CISD3: variants seen among roughly 807,000 people sequenced by gnomAD.
CISD3 encodes CDGSH iron-sulfur domain-containing protein 3, mitochondrial.
Under a neutral mutation model 14.1 loss-of-function variants are expected in CISD3, and 11 were observed. That is an observed-to-expected ratio of 0.78 (90% CI 0.49 to 1.29). The LOEUF (loss-of-function observed/expected upper bound fraction) is 1.29, where lower values mean the gene tolerates loss of function less well. Ranked by LOEUF, CISD3 falls within the 50% of genes most tolerant of loss-of-function variation. The pLI, the probability that CISD3 is intolerant of heterozygous loss-of-function variation, is 0.00. For missense variants in CISD3, 156 were observed against 171.6 expected (o/e 0.91, Z 0.51); for synonymous variants, 53 against 69.2 (o/e 0.77, Z 1.16).
chr17:38,732,534 G>T (rs1322843897), intron 3 of CISD3, among the ~76,000 whole-genome samples: 1 of 152,180 alleles, frequency 6.6e-6, no homozygotes, highest in Admixed American at 6.5e-5. Flanking sequence ...CCATACTGGA[G>T]GCTGAGGAAG....
At chr17:38,731,517 A>T in intron 3 of CISD3, 78 bp downstream of exon 3, 1 of 1,532,564 alleles carries the variant, frequency 6.5e-7, no homozygotes, top group Admixed American at 2.0e-5. Flanking sequence ...CCCACCCAGG[A>T]TGATCTTATT....
Position 38,730,793 on chromosome 17 carries a change from C to T in CISD3, c.82C>T (p.Leu28=). The part of the protein sequence containing the change: ...LNPRRDISSW[L]AQWFPRTPAR... The stretch of plus-strand genomic sequence containing the variant: ...CCCGCGGCGGGACATCTCCTCCTGG[C>T]TGGTGAGTCCCCCCATCCTCCCCTC... Residue 28 remains leucine (L), a splice_region_variant and synonymous_variant, in exon 2 of 4, where the codon CTG becomes TTG. Coordinates refer to ENST00000613478, the MANE Select transcript of CISD3 (RefSeq NM_001136498.2). 1.9e-6 allele frequency: 3 copies of T among 1,551,634 alleles called. No individual in the cohort carries two copies.
chr17:38,730,821 C>T lies in CISD3; in HGVS notation c.84+26C>T. The T allele has an allele frequency of 5.8e-6, 9 of 1,550,268 alleles. No individual in the cohort carries two copies. The Middle Eastern group carries it at 5.0e-4, about 86-fold the overall frequency. On this transcript the variant is annotated intron_variant, in intron 2 of 3. Transcript: ENST00000613478. ...GTGAGTCCCCCCATCCTCCCCTCCTCCTCGCACAAGACCCCCAGGCACGGA... is the reference window on the plus strand; with the variant it reads ...GTGAGTCCCCCCATCCTCCCCTCCTTCTCGCACAAGACCCCCAGGCACGGA...
chr17:38,733,059 C>T (rs1278479539), intron 3 of CISD3, among the ~76,000 whole-genome samples: 2 of 152,000 alleles, frequency 1.3e-5, no homozygotes, highest in Non-Finnish European at 2.9e-5. Flanking sequence ...TTACTATAGG[C>T]AAAGTGCATC....
chr17:38,732,800 C>T (rs1316858691), intron 3 of CISD3, among the ~76,000 whole-genome samples: 1 of 152,112 alleles, frequency 6.6e-6, no homozygotes, highest in African/African-American at 2.4e-5. Context: ...CTCCTTGTAA[C>T]CTTCACTCCC....
In CISD3 at chr17:38,733,397, G is replaced by A. The variant is rs765322036; in HGVS notation, c.326G>A (p.Cys109Tyr). The A allele has an allele frequency of 1.3e-6, 2 of 1,551,484 alleles. No individual in the cohort carries two copies. Among genetic ancestry groups the A allele is most frequent in the Non-Finnish European group, 8.7e-7 (1 of 1,146,950 alleles). The stretch of plus-strand genomic sequence containing the variant: ...AAGGCCACTCAGAGGCCCCCGTACT[G>A]CGATGGCACCCACAGGAGTGAGCGC... ...TCKATQRPPY[C>Y]DGTHRSERVQ... Residue 109 changes from cysteine (C) to tyrosine (Y), a missense_variant, in exon 4 of 4, where the codon TGC becomes TAC. Cys to Tyr is a radical substitution (Grantham distance 194, BLOSUM62 -2). Coordinates refer to ENST00000613478, the MANE Select transcript of CISD3 (RefSeq NM_001136498.2).
rs1906274749 is a variant in CISD3 at position 38,730,368 on chromosome 17, G to T, written c.10G>T (p.Ala4Ser). MRG[A>S]GAILRPAARG... is the part of the protein sequence containing the mutation. ...GGCGCGGGAGGCGACCATGCGCGGC[G>T]CGGGGGCGATCCTGCGGCCGGCGGC... is the stretch of plus-strand genomic sequence containing the variant. The change falls in exon 1 of 4, where the codon GCG (alanine) becomes TCG (serine). Residue 4 changes from alanine (A) to serine (S), a missense_variant. Coordinates refer to ENST00000613478, the MANE Select transcript of CISD3 (RefSeq NM_001136498.2). 1 of 1,179,878 alleles carries T rather than the reference G, an allele frequency of 8.5e-7. No homozygotes were observed. 73.1% of individuals were successfully genotyped at this position (1,179,878 alleles called of 1,614,324 possible).
intron 3 of CISD3, 105 bp from the exon 4 acceptor site, chr17:38,733,171 T>C (rs1232374928): frequency 5.5e-6 from 6 of 1,082,408 alleles, no homozygotes; most frequent in Non-Finnish European, 8.0e-6. Flanking sequence ...CTCTGGAGCC[T>C]GTACCCTAAC....
In CISD3 at chr17:38,733,407, C is replaced by T. The variant is rs764260319; in HGVS notation, c.336C>T (p.Thr112=). The T allele has an allele frequency of 6.4e-7, 1 of 1,551,268 alleles. No individual in the cohort carries two copies. The highest frequency in any genetic ancestry group is 1.2e-5 in the South Asian group (1 of 84,050). Residue 112 remains threonine, a synonymous_variant, in exon 4 of 4, where the codon ACC becomes ACT. Transcript: ENST00000613478. ...ATQRPPYCDG[T]HRSERVQKAE... ...AGAGGCCCCCGTACTGCGATGGCACCCACAGGAGTGAGCGCGTGCAGAAGG... is the reference window on the plus strand; with the variant it reads ...AGAGGCCCCCGTACTGCGATGGCACTCACAGGAGTGAGCGCGTGCAGAAGG...
chr17:38,732,439 TC>T (rs1162784105), intron 3 of CISD3, among the ~76,000 whole-genome samples: 1 of 152,034 alleles, frequency 6.6e-6, no homozygotes, highest in Non-Finnish European at 1.5e-5. Context: ...TCAAGAACAG[TC>T]TGGGCAACAA....
rs530375057 is a variant in CISD3 at position 38,730,934 on chromosome 17, C to A, written c.84+139C>A. On this transcript the variant is annotated intron_variant, in intron 2 of 3. Transcript: ENST00000613478. ...GCCCGTGGCTCTCAGGGAGGTGGGG[C>A]GGACCAGAGGGCACTGGGCAGGGCG... The A allele has an allele frequency of 4.6e-5, 43 of 942,066 alleles. No homozygotes were observed. In the South Asian group the frequency reaches 6.0e-4, roughly 13 times the overall value. The allele number at this position is 942,066 out of a possible 1,614,324, so 58.4% of individuals were successfully genotyped here.
chr17:38,731,472 T>G (rs1172353665), intron 3 of CISD3, 33 bp downstream of exon 3: 13 of 1,551,162 alleles, frequency 8.4e-6, no homozygotes, highest in Non-Finnish European at 1.0e-5. Context: ...TACTGATACC[T>G]CTGGCTAGGA....
intron 1 of CISD3, 153 bp downstream of exon 1, chr17:38,730,559 C>T (rs1223516614): frequency 4.6e-6 from 4 of 867,240 alleles, no homozygotes; most frequent in African/African-American, 3.4e-5. Flanking sequence ...TTTTCCCGAG[C>T]GCCAGTCCCT....
At position 38,733,565 on chromosome 17, in the gene CISD3, C is replaced by T. The variant is rs1906451666; in HGVS notation, c.*110C>T. ...TGAGCCCAAGAGACTCTGGTACCCACTGCTGGCTCATGAAGGAAGAATTAT... is the reference window on the plus strand; with the variant it reads ...TGAGCCCAAGAGACTCTGGTACCCATTGCTGGCTCATGAAGGAAGAATTAT... On this transcript the variant is annotated 3_prime_UTR_variant, in exon 4 of 4. Transcript: ENST00000613478. The T allele has an allele frequency of 3.6e-6, 4 of 1,101,968 alleles. No homozygotes were observed. The allele number at this position is 1,101,968 out of a possible 1,614,324, so 68.3% of individuals were successfully genotyped here.
At position 38,735,206 on chromosome 17, in the gene CISD3, G is replaced by C. The variant is rs1906587105; in HGVS notation, c.*1751G>C. ...AGTGGAGAGGCTTGGCTGGAAGAAG[G>C]GAGAGGGTCCCTGGCCTCAAGTTAA... On this transcript the variant is annotated 3_prime_UTR_variant, in exon 4 of 4. Coordinates refer to ENST00000613478, the MANE Select transcript of CISD3 (RefSeq NM_001136498.2). 1.4e-6 allele frequency: 2 copies of C among 1,392,654 alleles called. No individual in the cohort carries two copies. Among genetic ancestry groups the C allele is most frequent in the Non-Finnish European group, 9.4e-7 (1 of 1,063,174 alleles). 86.3% of individuals were successfully genotyped at this position (1,392,654 alleles called of 1,614,324 possible).
At position 38,730,347 on chromosome 17, in the gene CISD3, CG is replaced by C. The variant is rs1906273045; in HGVS notation, c.-9del. Reference sequence around the variant, plus strand: ...GCGGAGCCAGCGGGCGGGCGCGGCGCGGGAGGCGACCATGCGCGGCGCGGGG... The same window carrying C: ...GCGGAGCCAGCGGGCGGGCGCGGCGCGGAGGCGACCATGCGCGGCGCGGGG... On this transcript the variant is annotated 5_prime_UTR_variant, in exon 1 of 4. Transcript: ENST00000613478. The C allele has an allele frequency of 8.9e-7, 1 of 1,126,554 alleles. No homozygotes were observed. The highest frequency in any genetic ancestry group is 1.1e-6 in the Non-Finnish European group (1 of 921,406). 69.8% of individuals were successfully genotyped at this position (1,126,554 alleles called of 1,614,324 possible). A position where few individuals can be genotyped will look rare whatever the true frequency, so the allele number is the denominator to read the frequency against.
chr17:38,731,380 G>A lies in CISD3; in HGVS notation c.145G>A (p.Val49Met), dbSNP rs1329732396. ...SVVALKTPIK[V>M]ELVAGKTYRW... ...GGTGGCCCTGAAGACCCCCATCAAG[G>A]TGGAGCTGGTGGCAGGGAAAACCTA... The change falls in exon 3 of 4, where the codon GTG (valine) becomes ATG (methionine). Residue 49 changes from valine to methionine, a missense_variant. Val to Met is a conservative substitution (Grantham distance 21). Coordinates refer to ENST00000613478, the MANE Select transcript of CISD3 (RefSeq NM_001136498.2). 2.3e-5 allele frequency: 35 copies of A among 1,551,700 alleles called. No individual in the cohort carries two copies. In the South Asian group the frequency reaches 3.0e-4, roughly 13 times the overall value.
In CISD3 at chr17:38,735,237, G is replaced by A. The variant is rs1208938665; in HGVS notation, c.*1782G>A. ...GGTCCCTGGCCTCAAGTTAAGGGGG[G>A]CACGGGAGCGCCGTTGACAGTCATC... On this transcript the variant is annotated 3_prime_UTR_variant, in exon 4 of 4. Transcript: ENST00000613478. The A allele has an allele frequency of 2.1e-5, 30 of 1,441,154 alleles. No homozygotes were observed. Among genetic ancestry groups the A allele is most frequent in the Non-Finnish European group, 2.7e-5 (29 of 1,086,702 alleles). 89.3% of individuals were successfully genotyped at this position (1,441,154 alleles called of 1,614,324 possible). A position where few individuals can be genotyped will look rare whatever the true frequency, so the allele number is the denominator to read the frequency against.
rs1009590543 is a variant in CISD3 at position 38,734,293 on chromosome 17, GC to G, written c.*839del. On this transcript the variant is annotated 3_prime_UTR_variant, in exon 4 of 4. Transcript: ENST00000613478. ...GCAATTGGAAGGCTGTTTGCCTCTG[GC>G]AAAGTCTGGGATCTGTGCTTGTGTG... The G allele has an allele frequency of 1.4e-4, 21 of 152,766 alleles. No homozygotes were observed. Among genetic ancestry groups the G allele is most frequent in the African/African-American group, 5.1e-4 (21 of 41,510 alleles). The allele number at this position is 152,766 out of a possible 1,614,324, so 9.5% of individuals were successfully genotyped here. A position where few individuals can be genotyped will look rare whatever the true frequency, so the allele number is the denominator to read the frequency against.
Sources: allele counts gnomAD v4.1 joint callset (sites outside exome capture counted in the v4.1 genomes callset), GRCh38; gene constraint gnomAD v4.1.1; transcripts MANE v1.5; gene names NCBI Gene and HGNC (gene_info 2026-07-23, HGNC 2026-07-21).